Variants in KCNIP4 observed in about 807,000 individuals in gnomAD.
The protein encoded by KCNIP4 is Kv channel-interacting protein 4.
KCNIP4 carries 12 observed loss-of-function variants against 34.0 expected under a neutral mutation model. That is an observed-to-expected ratio of 0.35 (90% confidence interval 0.23 to 0.57). The LOEUF is 0.57. KCNIP4 is among the 20% of genes least tolerant of loss of function. The pLI is 0.83. For synonymous variants in KCNIP4, 124 were observed against 102.2 expected, an observed-to-expected ratio of 1.21 and a Z score of -1.29; for missense variants, 238 against 311.7, an observed-to-expected ratio of 0.76 and a Z score of 1.78.
chr4:21,528,348 A>G (rs949923479), intron 1 of KCNIP4, among the ~76,000 whole-genome samples: 25 of 151,800 alleles, frequency 1.6e-4, no homozygotes, highest in African/African-American at 5.8e-4. Flanking sequence ...ATTTCCTCCA[A>G]CAGTTCATGT....
intron 3 of KCNIP4, among the ~76,000 whole-genome samples, chr4:20,810,257 C>A (rs772154139): frequency 3.3e-5 from 5 of 152,172 alleles, no homozygotes; most frequent in Non-Finnish European, 5.9e-5. Context: ...TTGGACCAGT[C>A]TTTTTGTCCT....
chr4:20,973,826 C>G (rs554887147), intron 1 of KCNIP4, among the ~76,000 whole-genome samples: 5 of 151,968 alleles, frequency 3.3e-5, no homozygotes, highest in Non-Finnish European at 5.9e-5. Context: ...GTGGAGCAGT[C>G]AGAATACACA....
chr4:20,733,233 A>G (rs530309658), intron 6 of KCNIP4, among the ~76,000 whole-genome samples: 2 of 152,320 alleles, frequency 1.3e-5, no homozygotes, highest in East Asian at 1.9e-4. Context: ...GGTAAGTCTT[A>G]AGGTTCATTA....
chr4:20,827,318 G>A (rs1158545902), intron 3 of KCNIP4, among the ~76,000 whole-genome samples: 4 of 152,086 alleles, frequency 2.6e-5, no homozygotes, highest in South Asian at 4.1e-4. Context: ...AGGCATGGAC[G>A]GGATTGCTTT....
At chr4:20,902,816 G>A (rs746615751) in intron 1 of KCNIP4, among the ~76,000 whole-genome samples, 12 of 152,052 alleles carry the variant, frequency 7.9e-5, no homozygotes, top group Non-Finnish European at 1.6e-4. Context: ...CACTGTGCCC[G>A]GCTAAGCCTA....
At chr4:21,468,872 G>A (rs1730217365) in intron 1 of KCNIP4, among the ~76,000 whole-genome samples, 1 of 152,020 alleles carries the variant, frequency 6.6e-6, no homozygotes, top group Admixed American at 6.6e-5. Flanking sequence ...TTTGAAATCT[G>A]TATTTGTGCA....
At chr4:21,331,345 T>C (rs1194150672) in intron 1 of KCNIP4, among the ~76,000 whole-genome samples, 1 of 152,118 alleles carries the variant, frequency 6.6e-6, no homozygotes, top group East Asian at 1.9e-4. Flanking sequence ...TCCCTTGTTC[T>C]CCCTCTCTCT....
chr4:21,377,881 G>A (rs899858801), intron 1 of KCNIP4, among the ~76,000 whole-genome samples: 2 of 152,156 alleles, frequency 1.3e-5, no homozygotes, highest in African/African-American at 2.4e-5. Context: ...CCTGACATTC[G>A]CTTTGGTTGC....
At chr4:21,948,162 A>G (rs1018001499) in intron 1 of KCNIP4, among the ~76,000 whole-genome samples, 1 of 152,214 alleles carries the variant, frequency 6.6e-6, no homozygotes, top group Non-Finnish European at 1.5e-5. Context: ...GGGGGCATGA[A>G]GGAAAAGTGG....
intron 1 of KCNIP4, among the ~76,000 whole-genome samples, chr4:21,198,738 A>G (rs1370761771): frequency 6.6e-6 from 1 of 152,130 alleles, no homozygotes; most frequent in African/African-American, 2.4e-5. Context: ...CACCTGGTCA[A>G]CCCCACTGTT....
At chr4:20,834,764 A>G (rs965115734) in intron 3 of KCNIP4, among the ~76,000 whole-genome samples, 4 of 152,170 alleles carry the variant, frequency 2.6e-5, no homozygotes, top group African/African-American at 7.2e-5. Context: ...GGCTTCCCAA[A>G]CCTCCTCTGC....
chr4:20,922,547 GTCTATCTATCTATCTATCTA>G lies in KCNIP4; in HGVS notation c.62-39858_62-39839del, dbSNP rs1553916287. Among the ~76,000 whole-genome samples, 42 of 129,524 alleles carry G rather than the reference GTCTATCTATCTATCTATCTA, an allele frequency of 3.2e-4. No individual in the cohort carries two copies. In the East Asian group the frequency reaches 4.5e-3, roughly 14 times the overall value. The allele number at this position is 129,524 out of a possible 152,430, so 85.0% of individuals were successfully genotyped here. On this transcript the variant is annotated intron_variant, in intron 1 of 8. Coordinates refer to ENST00000382152, the MANE Select transcript of KCNIP4 (RefSeq NM_025221.6). ...TGTCTGTCTGTCTGTCTGTCTGTCT[GTCTATCTATCTATCTATCTA>G]TCTATCTATCTATCTATCTCCTATT...
chr4:21,703,605 G>A (rs950223154), intron 1 of KCNIP4, among the ~76,000 whole-genome samples: 18 of 152,048 alleles, frequency 1.2e-4, no homozygotes, highest in Non-Finnish European at 1.2e-4. Context: ...TACTAGCAAT[G>A]AACATATGGG....
intron 1 of KCNIP4, among the ~76,000 whole-genome samples, chr4:21,263,636 ACT>A (rs1761611534): frequency 1.3e-5 from 2 of 151,874 alleles, no homozygotes; most frequent in Admixed American, 1.3e-4. Context: ...AACTTGTATA[ACT>A]CTAAATGTAT....
intron 1 of KCNIP4, among the ~76,000 whole-genome samples, chr4:21,015,356 T>G (rs887109353): frequency 7.2e-6 from 1 of 139,420 alleles, no homozygotes; most frequent in Non-Finnish European, 1.5e-5. Context: ...ACAATGATAC[T>G]CTATTTTTTT....
In KCNIP4 at chr4:21,763,654, T is replaced by C. The variant is rs147068037; in HGVS notation, c.61+184917A>G. 1.3e-3 allele frequency among the ~76,000 whole-genome samples: 200 copies of C among 152,236 alleles called. 2 individuals carry two copies. Among genetic ancestry groups the C allele is most frequent in the Middle Eastern group, 6.8e-3 (2 of 294 alleles). The stretch of plus-strand genomic sequence containing the variant: ...GAGCAAGTTATTTCTCTTTTCTGAA[T>C]CTCAACTTTCTCAGCAAAAGGAAAT... On this transcript the variant is annotated intron_variant, in intron 1 of 8. Coordinates refer to ENST00000382152, the MANE Select transcript of KCNIP4 (RefSeq NM_025221.6).
At chr4:21,091,032 G>A (rs906840925) in intron 1 of KCNIP4, among the ~76,000 whole-genome samples, 1 of 152,116 alleles carries the variant, frequency 6.6e-6, no homozygotes, top group Admixed American at 6.6e-5. Flanking sequence ...TCATCCTTGG[G>A]GGCTTTTTGT....
intron 1 of KCNIP4, among the ~76,000 whole-genome samples, chr4:21,159,073 G>A (rs189433196): frequency 9.9e-5 from 15 of 152,104 alleles, no homozygotes; most frequent in East Asian, 3.9e-4. Flanking sequence ...AACTCACAGC[G>A]GGCATTGTTT....
At chr4:21,803,793 T>A (rs1380552616) in intron 1 of KCNIP4, among the ~76,000 whole-genome samples, 1 of 152,174 alleles carries the variant, frequency 6.6e-6, no homozygotes, top group Non-Finnish European at 1.5e-5. Flanking sequence ...CATTGGCAAT[T>A]TTCTACTAAT....
Sources: gnomAD v4.1 joint callset for allele counts (sites outside exome capture counted in the v4.1 genomes callset) on GRCh38, gnomAD v4.1.1 for gene constraint, MANE v1.5 for transcripts, NCBI Gene and HGNC (gene_info 2026-07-23, HGNC 2026-07-21) for gene names.